Variants in BAZ1B observed in about 807,000 individuals in gnomAD.
The protein encoded by BAZ1B is bromodomain adjacent to zinc finger domain 1B.
BAZ1B carries 22 observed loss-of-function variants against 153.8 expected under a neutral mutation model. The observed-to-expected ratio is 0.14, with a 90% CI of 0.10 to 0.20. BAZ1B has a LOEUF of 0.20. Ranked by LOEUF, BAZ1B falls within the 10% of genes least tolerant of loss-of-function variation. The probability of loss-of-function intolerance (pLI) is 1.00; values close to 1 mark genes in which losing one functional copy is unlikely to be tolerated. For synonymous variants in BAZ1B, 676 were observed against 633.4 expected (o/e 1.07, Z -1.01); for missense variants, 1,325 against 1,799.3 (o/e 0.74, Z 4.77).
intron 3 of BAZ1B, among the ~76,000 whole-genome samples, chr7:73,508,080 C>T (rs970100841): frequency 2.0e-5 from 3 of 151,988 alleles, no homozygotes; most frequent in Admixed American, 6.6e-5. Flanking sequence ...CACTTGAACA[C>T]GGGAGAATGA....
At chr7:73,491,591 C>T (rs1384034889) in intron 5 of BAZ1B, among the ~76,000 whole-genome samples, 1 of 151,822 alleles carries the variant, frequency 6.6e-6, no homozygotes, top group African/African-American at 2.4e-5. Context: ...AAGAGCAAAA[C>T]TCCATCTCAA....
chr7:73,521,603 G>A (rs576504274), intron 1 of BAZ1B, among the ~76,000 whole-genome samples: 1,902 of 151,898 alleles, frequency 0.013, 43 homozygotes, highest in African/African-American at 0.044. Flanking sequence ...GGGGGCGGCC[G>A]AAGCGGGCCC....
chr7:73,466,166 C>A lies in BAZ1B; in HGVS notation c.2972+130G>T. The A allele has an allele frequency of 9.3e-6, 6 of 641,804 alleles. No homozygotes were observed. In the South Asian group the frequency reaches 1.1e-4, roughly 12 times the overall value. 39.8% of individuals were successfully genotyped at this position (641,804 alleles called of 1,614,324 possible). On this transcript the variant is annotated intron_variant, in intron 10 of 19. Transcript: ENST00000339594. Reference sequence around the variant, plus strand: ...CTGCTAATGCAAGAAGTTTTGATATCCAAAATATCAGTCACACAAAGTATC... The same window carrying A: ...CTGCTAATGCAAGAAGTTTTGATATACAAAATATCAGTCACACAAAGTATC...
chr7:73,519,905 G>C lies in BAZ1B; in HGVS notation c.107+1922C>G, dbSNP rs1285489028. Reference sequence around the variant, plus strand: ...TTGCTACTCCACTGCCGATTCGAATGTATTAAAAAGTAGGGTACTGGCCAG... The same window carrying C: ...TTGCTACTCCACTGCCGATTCGAATCTATTAAAAAGTAGGGTACTGGCCAG... On this transcript the variant is annotated intron_variant, in intron 1 of 19. Transcript: ENST00000339594. Among the ~76,000 whole-genome samples, 6 of 152,164 alleles carry C rather than the reference G, an allele frequency of 3.9e-5. No individual in the cohort carries two copies. The East Asian group carries it at 1.2e-3, about 29-fold the overall frequency.
chr7:73,482,258 T>C (rs1789232894), intron 6 of BAZ1B, among the ~76,000 whole-genome samples: 1 of 152,188 alleles, frequency 6.6e-6, no homozygotes, highest in Non-Finnish European at 1.5e-5. Flanking sequence ...AGATAACTTA[T>C]TTAAGACTCC....
intron 4 of BAZ1B, among the ~76,000 whole-genome samples, chr7:73,494,305 C>G (rs1360931260): frequency 6.6e-6 from 1 of 152,122 alleles, no homozygotes; most frequent in Non-Finnish European, 1.5e-5. Context: ...ATTGCTTGAA[C>G]CCGGGAGGTG....
chr7:73,458,887 G>A (rs1370116642), intron 13 of BAZ1B, among the ~76,000 whole-genome samples: 2 of 151,966 alleles, frequency 1.3e-5, no homozygotes, highest in Non-Finnish European at 2.9e-5. Context: ...GCAAAACCCT[G>A]TATCTAAAAA....
At chr7:73,452,306 CAT>C (rs1361304246) in intron 13 of BAZ1B, among the ~76,000 whole-genome samples, 1 of 152,202 alleles carries the variant, frequency 6.6e-6, no homozygotes, top group African/African-American at 2.4e-5. Context: ...ATTGAATAGA[CAT>C]TGCACATGCT....
intron 13 of BAZ1B, among the ~76,000 whole-genome samples, chr7:73,459,135 C>G (rs1297019839): frequency 6.6e-6 from 1 of 151,844 alleles, no homozygotes; most frequent in Non-Finnish European, 1.5e-5. Context: ...GTAGTCCCAG[C>G]TACTCGGGAG....
chr7:73,506,875 T>TC (rs1790365628), intron 3 of BAZ1B, among the ~76,000 whole-genome samples: 1 of 145,414 alleles, frequency 6.9e-6, no homozygotes, highest in East Asian at 2.1e-4. Context: ...AAAAAAGTCT[T>TC]AAAGTCTTTT....
intron 13 of BAZ1B, among the ~76,000 whole-genome samples, chr7:73,455,120 C>G (rs1384499634): frequency 6.6e-6 from 1 of 151,944 alleles, no homozygotes; most frequent in Non-Finnish European, 1.5e-5. Flanking sequence ...CTCCTGACCT[C>G]AAGATCCGCT....
Position 73,498,502 on chromosome 7 carries a change from C to T in BAZ1B, c.566G>A (p.Ser189Asn), listed in dbSNP as rs1790004778. Residue 189 changes from serine (S) to asparagine (N), a missense_variant, in exon 4 of 20, where the codon AGT (serine) becomes AAT (asparagine). Transcript: ENST00000339594. Reference protein sequence around the residue: ...VVKEDEGRRESINDRARRSPR... With the variant: ...VVKEDEGRRENINDRARRSPR... ...AAAGCTAATATCAAACATACTAATA[C>T]TCTCTCTCCTTCCTTCATCCTCTTT... is the stretch of plus-strand genomic sequence containing the variant. The T allele has an allele frequency of 6.2e-7, 1 of 1,602,918 alleles. No individual in the cohort carries two copies. Among genetic ancestry groups the T allele is most frequent in the Non-Finnish European group, 8.5e-7 (1 of 1,169,980 alleles).
At chr7:73,501,148 C>T (rs934352162) in intron 3 of BAZ1B, among the ~76,000 whole-genome samples, 2 of 151,820 alleles carry the variant, frequency 1.3e-5, no homozygotes, top group African/African-American at 2.4e-5. Context: ...CCCAGCTGCT[C>T]GGGAGGCTGA....
intron 13 of BAZ1B, among the ~76,000 whole-genome samples, chr7:73,456,372 C>G (rs1788199444): frequency 6.6e-6 from 1 of 152,094 alleles, no homozygotes; most frequent in South Asian, 2.1e-4. Flanking sequence ...AAAGGCTACC[C>G]ATGGAACTGG....
At position 73,447,252 on chromosome 7, in the gene BAZ1B, C is replaced by A. The variant is rs781914144; in HGVS notation, c.3844+12G>T. The stretch of plus-strand genomic sequence containing the variant: ...CTGTGAAATCAACTACAAAGGCAGA[C>A]AAAATACTTACATCGCAAACCAGCC... On this transcript the variant is annotated intron_variant, in intron 16 of 19. Transcript: ENST00000339594. The A allele has an allele frequency of 3.1e-6, 5 of 1,613,336 alleles. No individual in the cohort carries two copies. The highest frequency in any genetic ancestry group is 1.7e-5 in the Admixed American group (1 of 60,002).
intron 17 of BAZ1B, among the ~76,000 whole-genome samples, chr7:73,443,630 G>A (rs1273344018): frequency 7.9e-5 from 12 of 152,144 alleles, no homozygotes; most frequent in African/African-American, 2.2e-4. Flanking sequence ...AACAACTGTC[G>A]ACTCAACAGT....
At chr7:73,464,340 T>A (rs1554570859) in intron 11 of BAZ1B, 1 of 163,304 alleles carries the variant, frequency 6.1e-6, no homozygotes, top group East Asian at 1.9e-4. Flanking sequence ...CAGAACAGGG[T>A]TTTTTGATTC....
At chr7:73,497,388 T>C (rs1247662190) in intron 4 of BAZ1B, among the ~76,000 whole-genome samples, 1 of 152,158 alleles carries the variant, frequency 6.6e-6, no homozygotes, top group Non-Finnish European at 1.5e-5. Flanking sequence ...TACAGTTCAT[T>C]TTATTGTTAT....
At chr7:73,456,516 G>T (rs1470817017) in intron 13 of BAZ1B, among the ~76,000 whole-genome samples, 1 of 151,998 alleles carries the variant, frequency 6.6e-6, no homozygotes, top group Non-Finnish European at 1.5e-5. Flanking sequence ...TCCAAATAAG[G>T]TAGACAAATG....
Sources: allele counts gnomAD v4.1 joint callset (sites outside exome capture counted in the v4.1 genomes callset), GRCh38; gene constraint gnomAD v4.1.1; transcripts MANE v1.5; gene names NCBI Gene and HGNC (gene_info 2026-07-23, HGNC 2026-07-21).